The following FRMD4A variants were observed in gnomAD, a reference collection of about 807,000 sequenced individuals.
FRMD4A encodes FERM domain containing 4A.
In FRMD4A, 29 loss-of-function variants were observed where a neutral mutation model predicts 129.1. That is an observed-to-expected ratio of 0.22 (90% CI 0.17 to 0.31). The LOEUF (loss-of-function observed/expected upper bound fraction) is 0.31, where lower values mean the gene tolerates loss of function less well. Among genes scored for constraint, FRMD4A ranks in the 10% least tolerant of loss-of-function variants. The pLI is 1.00. For synonymous variants in FRMD4A, 634 were observed against 571.6 expected (o/e 1.11, Z -1.56); for missense variants, 1,272 against 1,375.8 (o/e 0.92, Z 1.19).
At chr10:13,869,470 G>A (rs770103572) in intron 2 of FRMD4A, among the ~76,000 whole-genome samples, 2 of 152,262 alleles carry the variant, frequency 1.3e-5, no homozygotes, top group African/African-American at 2.4e-5. Context: ...TTCCGCTGGG[G>A]CGGGTCCACA....
intron 2 of FRMD4A, among the ~76,000 whole-genome samples, chr10:13,934,809 G>A (rs1029217155): frequency 6.6e-6 from 1 of 152,190 alleles, no homozygotes; most frequent in Non-Finnish European, 1.5e-5. Context: ...ACCATGTGTT[G>A]CAGTCCCTTG....
Position 14,174,204 on chromosome 10 carries a change from C to T in FRMD4A, c.45+155854G>A, listed in dbSNP as rs527605224. Among the ~76,000 whole-genome samples, 3 of 152,198 alleles carry T rather than the reference C, an allele frequency of 2.0e-5. No individual in the cohort carries two copies. The East Asian group carries it at 5.8e-4, about 30-fold the overall frequency. On this transcript the variant is annotated intron_variant, in intron 2 of 24. Coordinates refer to ENST00000357447, the MANE Select transcript of FRMD4A (RefSeq NM_018027.5). ...CGCCACCCGGTCTAACTTGAATCCC[C>T]AGCGCCTGCAAAGCGCCGTTCCTGG...
At chr10:13,728,870 C>G (rs2090115878) in intron 12 of FRMD4A, among the ~76,000 whole-genome samples, 1 of 152,094 alleles carries the variant, frequency 6.6e-6, no homozygotes, top group Admixed American at 6.5e-5. Flanking sequence ...CCGTGCCCAG[C>G]CGATGACCAC....
intron 6 of FRMD4A, among the ~76,000 whole-genome samples, chr10:13,770,157 C>G (rs1450470476): frequency 6.6e-6 from 1 of 152,192 alleles, no homozygotes; most frequent in Non-Finnish European, 1.5e-5. Flanking sequence ...CACAACTCAT[C>G]ATAATTACGC....
chr10:13,798,119 AT>A (rs1241216752), intron 4 of FRMD4A, among the ~76,000 whole-genome samples: 2 of 152,200 alleles, frequency 1.3e-5, no homozygotes, highest in Non-Finnish European at 2.9e-5. Context: ...TAAAAAAAAA[AT>A]AATGAAAGGG....
chr10:14,323,856 G>T (rs748347988), intron 2 of FRMD4A, among the ~76,000 whole-genome samples: 13 of 152,204 alleles, frequency 8.5e-5, no homozygotes, highest in African/African-American at 1.9e-4. Context: ...CCATGAAAGA[G>T]AGTCCTGCTC....
At chr10:14,294,192 C>A (rs1440062163) in intron 2 of FRMD4A, among the ~76,000 whole-genome samples, 1 of 152,086 alleles carries the variant, frequency 6.6e-6, no homozygotes, top group Admixed American at 6.6e-5. Flanking sequence ...TTATTTTATT[C>A]TTCTTCTTTA....
intron 2 of FRMD4A, among the ~76,000 whole-genome samples, chr10:14,184,873 C>T (rs541800210): frequency 6.6e-6 from 1 of 152,118 alleles, no homozygotes; most frequent in East Asian, 1.9e-4. Context: ...ATGGCCTGCC[C>T]GGATACAACT....
At chr10:13,946,924 G>T (rs2131323802) in intron 2 of FRMD4A, among the ~76,000 whole-genome samples, 1 of 152,300 alleles carries the variant, frequency 6.6e-6, no homozygotes, top group East Asian at 1.9e-4. Context: ...GAGGAAGGCA[G>T]ACATGGGACA....
chr10:13,716,283 A>C (rs989323869), intron 12 of FRMD4A, among the ~76,000 whole-genome samples: 9 of 152,172 alleles, frequency 5.9e-5, no homozygotes, highest in Non-Finnish European at 2.9e-5. Flanking sequence ...TATGACTTCT[A>C]ATCTCAAAAC....
chr10:14,326,697 G>A (rs1393885298), intron 2 of FRMD4A: 1 of 396,794 alleles, frequency 2.5e-6, no homozygotes, highest in Non-Finnish European at 4.4e-6. Context: ...TGGCTCTAAA[G>A]ATAAACTAAT....
At chr10:14,094,781 T>G (rs1222291167) in intron 2 of FRMD4A, among the ~76,000 whole-genome samples, 2 of 152,356 alleles carry the variant, frequency 1.3e-5, no homozygotes, top group African/African-American at 4.8e-5. Flanking sequence ...TTAATACCTC[T>G]GCAGCCCCCC....
chr10:13,858,526 G>T (rs939014961), intron 3 of FRMD4A, among the ~76,000 whole-genome samples: 2 of 152,194 alleles, frequency 1.3e-5, no homozygotes, highest in Non-Finnish European at 2.9e-5. Flanking sequence ...TTTAGTTACA[G>T]CAAGAGTTAC....
intron 2 of FRMD4A, chr10:14,008,648 T>A: frequency 4.6e-6 from 1 of 215,262 alleles, no homozygotes; most frequent in Non-Finnish European, 8.0e-6. Context: ...TTAAAAAGAC[T>A]ATTTGGAATA....
intron 2 of FRMD4A, among the ~76,000 whole-genome samples, chr10:13,995,187 A>G (rs2095618225): frequency 6.6e-6 from 1 of 152,216 alleles, no homozygotes; most frequent in African/African-American, 2.4e-5. Flanking sequence ...GAAGTCACAG[A>G]GTCCCGAAGA....
Position 13,758,632 on chromosome 10 carries a change from G to C in FRMD4A, c.464+3015C>G, listed in dbSNP as rs182570223. 3.9e-5 allele frequency among the ~76,000 whole-genome samples: 6 copies of C among 152,238 alleles called. No homozygotes were observed. In the East Asian group the frequency reaches 1.2e-3, roughly 29 times the overall value. On this transcript the variant is annotated intron_variant, in intron 8 of 24. Transcript: ENST00000357447. ...AATTCATGCCTTATGCAGGGGAGGA[G>C]ACTGATATTCAATCTGTGAGGTGGG... is the stretch of plus-strand genomic sequence containing the variant.
intron 2 of FRMD4A, among the ~76,000 whole-genome samples, chr10:13,963,733 C>T (rs1043235708): frequency 3.9e-5 from 6 of 152,112 alleles, no homozygotes; most frequent in African/African-American, 1.4e-4. Context: ...ATTACAAACC[C>T]TATTCTAGGT....
At chr10:14,238,362 G>A (rs140063692) in intron 2 of FRMD4A, among the ~76,000 whole-genome samples, 2 of 152,244 alleles carry the variant, frequency 1.3e-5, no homozygotes, top group African/African-American at 4.8e-5. Flanking sequence ...CCACTGTGTG[G>A]CGTTCGGCCA....
intron 2 of FRMD4A, chr10:13,971,793 C>A: frequency 7.7e-7 from 1 of 1,304,348 alleles, no homozygotes; most frequent in Non-Finnish European, 1.0e-6. Flanking sequence ...AGCAGCCCAG[C>A]AGCCATGCCA....
Sources: gnomAD v4.1 joint callset for allele counts (sites outside exome capture counted in the v4.1 genomes callset) on GRCh38, gnomAD v4.1.1 for gene constraint, MANE v1.5 for transcripts, NCBI Gene and HGNC (gene_info 2026-07-23, HGNC 2026-07-21) for gene names.